Variants in PEBP4 observed in about 807,000 individuals in gnomAD.
The protein encoded by PEBP4 is phosphatidylethanolamine-binding protein 4.
A neutral mutation model predicts 23.9 loss-of-function variants in PEBP4; 22 were observed. That is an observed-to-expected ratio of 0.92 (90% CI 0.66 to 1.31). The LOEUF (loss-of-function observed/expected upper bound fraction) is 1.31. Ranked by LOEUF, PEBP4 falls within the 40% of genes most tolerant of loss-of-function variation. The probability of loss-of-function intolerance (pLI) is 0.00; values close to 1 mark genes in which losing one functional copy is unlikely to be tolerated. For synonymous variants in PEBP4, 112 were observed against 99.3 expected (o/e 1.13, Z -0.76); for missense variants, 324 against 281.7 (o/e 1.15, Z -1.07).
At chr8:22,731,641 TTATCTATC>T (rs201193655) in intron 4 of PEBP4, among the ~76,000 whole-genome samples, 8 of 105,814 alleles carry the variant, frequency 7.6e-5, no homozygotes, top group African/African-American at 3.0e-4. Flanking sequence ...ATTTATTTAT[TTATCTATC>T]TATCTATTTA....
At chr8:22,741,400 G>C (rs1448558613) in intron 4 of PEBP4, among the ~76,000 whole-genome samples, 3 of 152,214 alleles carry the variant, frequency 2.0e-5, no homozygotes, top group Admixed American at 2.0e-4. Context: ...CAGGCCCAGG[G>C]CTTGTTCTCA....
chr8:22,759,408 A>G (rs1805458242), intron 4 of PEBP4, among the ~76,000 whole-genome samples: 1 of 151,990 alleles, frequency 6.6e-6, no homozygotes, highest in East Asian at 1.9e-4. Context: ...CCCCATAATA[A>G]TGAAAGCAAC....
intron 3 of PEBP4, among the ~76,000 whole-genome samples, chr8:22,918,610 A>C: frequency 6.6e-6 from 1 of 152,232 alleles, no homozygotes; most frequent in East Asian, 1.9e-4. Context: ...AGCACGCGGA[A>C]GGGAGCCCTT....
intron 3 of PEBP4, among the ~76,000 whole-genome samples, chr8:22,841,777 A>G (rs1345676345): frequency 6.6e-6 from 1 of 152,240 alleles, no homozygotes; most frequent in Non-Finnish European, 1.5e-5. Context: ...TTCCCTAAAG[A>G]CACCAGCCCA....
intron 4 of PEBP4, among the ~76,000 whole-genome samples, chr8:22,807,381 G>A (rs546114601): frequency 6.6e-6 from 1 of 152,270 alleles, no homozygotes; most frequent in African/African-American, 2.4e-5. Context: ...AGGGGTCTCT[G>A]TCTGAGATAC....
chr8:22,843,414 TGG>T (rs1455561978), intron 3 of PEBP4, among the ~76,000 whole-genome samples: 1 of 152,212 alleles, frequency 6.6e-6, no homozygotes, highest in Non-Finnish European at 1.5e-5. Context: ...TACCAGGAAG[TGG>T]GACATGTATA....
chr8:22,902,325 G>A (rs1388920038), intron 3 of PEBP4, among the ~76,000 whole-genome samples: 6 of 152,026 alleles, frequency 3.9e-5, no homozygotes, highest in East Asian at 1.9e-4. Flanking sequence ...GTGAAACTCC[G>A]TCTCAAAAAA....
intron 3 of PEBP4, among the ~76,000 whole-genome samples, chr8:22,867,708 A>G (rs1400777865): frequency 6.6e-6 from 1 of 152,176 alleles, no homozygotes; most frequent in Non-Finnish European, 1.5e-5. Flanking sequence ...GCTTCTCCGC[A>G]GATTCTGAGT....
At chr8:22,796,198 A>C (rs1806255462) in intron 4 of PEBP4, among the ~76,000 whole-genome samples, 1 of 152,196 alleles carries the variant, frequency 6.6e-6, no homozygotes, top group Non-Finnish European at 1.5e-5. Context: ...ACTCTGGTAC[A>C]AATATCAGAC....
At chr8:22,861,038 A>T (rs1253048339) in intron 3 of PEBP4, among the ~76,000 whole-genome samples, 1 of 152,262 alleles carries the variant, frequency 6.6e-6, no homozygotes, top group East Asian at 1.9e-4. Flanking sequence ...TTGTTAAAAT[A>T]GAATTAAATT....
chr8:22,808,851 G>A (rs7826619), intron 4 of PEBP4, among the ~76,000 whole-genome samples: 1 of 152,146 alleles, frequency 6.6e-6, no homozygotes, highest in Non-Finnish European at 1.5e-5. Flanking sequence ...GATTTGATTT[G>A]ATTTTTTTAT....
intron 2 of PEBP4, 82 bp downstream of exon 2, chr8:22,927,502 T>G: frequency 6.8e-7 from 1 of 1,479,864 alleles, no homozygotes; most frequent in Non-Finnish European, 9.0e-7. Context: ...ATGGTGCTTC[T>G]TGGTTCTGGA....
intron 4 of PEBP4, among the ~76,000 whole-genome samples, chr8:22,761,428 AC>A: frequency 6.7e-6 from 1 of 148,934 alleles, no homozygotes; most frequent in Middle Eastern, 3.4e-3. Flanking sequence ...GAGCGAGAAG[AC>A]CCCCCTGCAA....
intron 4 of PEBP4, among the ~76,000 whole-genome samples, chr8:22,770,478 C>G (rs924739057): frequency 2.0e-5 from 3 of 152,366 alleles, no homozygotes; most frequent in Admixed American, 1.3e-4. Flanking sequence ...CCTCCCACTG[C>G]GCATCCTTGG....
intron 3 of PEBP4, among the ~76,000 whole-genome samples, chr8:22,834,225 C>T (rs1477087051): frequency 6.6e-6 from 1 of 152,212 alleles, no homozygotes; most frequent in Admixed American, 6.5e-5. Flanking sequence ...TTTGAGCCTC[C>T]CCCACCAAGT....
At chr8:22,803,463 G>A (rs547783349) in intron 4 of PEBP4, among the ~76,000 whole-genome samples, 4 of 152,058 alleles carry the variant, frequency 2.6e-5, no homozygotes, top group Admixed American at 6.5e-5. Flanking sequence ...TCAGGAGTTC[G>A]AGATCAGCTT....
chr8:22,897,142 G>A (rs1400249205), intron 3 of PEBP4, among the ~76,000 whole-genome samples: 1 of 152,032 alleles, frequency 6.6e-6, no homozygotes, highest in African/African-American at 2.4e-5. Context: ...ATTCAAAATT[G>A]AGTAAAATCT....
chr8:22,842,487 G>A (rs959441583), intron 3 of PEBP4, among the ~76,000 whole-genome samples: 2 of 152,148 alleles, frequency 1.3e-5, no homozygotes, highest in African/African-American at 4.8e-5. Context: ...GAGTGAATAT[G>A]GCTTACAAAA....
Position 22,940,581 on chromosome 8 carries a change from C to T in PEBP4, c.145-12861G>A, listed in dbSNP as rs375167468. ...ATGGCTCACAGCAAGCTCCACCTCCCGGGTTCATGCCATTCTCCTGCATCA... is the reference window on the plus strand; with the variant it reads ...ATGGCTCACAGCAAGCTCCACCTCCTGGGTTCATGCCATTCTCCTGCATCA... On this transcript the variant is annotated intron_variant, in intron 1 of 1. Coordinates refer to the PEBP4 transcript ENST00000522278. Among the ~76,000 whole-genome samples the T allele has an allele frequency of 1.4e-3, 205 of 151,486 alleles. 1 individual carries two copies. Among genetic ancestry groups the T allele is most frequent in the African/African-American group, 4.7e-3 (192 of 41,178 alleles).
Sources: gnomAD v4.1 joint callset for allele counts (sites outside exome capture counted in the v4.1 genomes callset) on GRCh38, gnomAD v4.1.1 for gene constraint, MANE v1.5 for transcripts, NCBI Gene and HGNC (gene_info 2026-07-23, HGNC 2026-07-21) for gene names.